The following STK32B variants were observed in gnomAD, a reference collection of about 807,000 sequenced individuals.
The protein encoded by STK32B is serine/threonine kinase 32B.
STK32B carries 43 observed loss-of-function variants against 52.6 expected under a neutral mutation model. That is an observed-to-expected ratio of 0.82 (90% CI 0.64 to 1.05). The LOEUF (loss-of-function observed/expected upper bound fraction) is 1.05, where lower values mean the gene tolerates loss of function less well. STK32B is among the 50% of genes least tolerant of loss of function. STK32B has a pLI of 0.00. For synonymous variants in STK32B, 238 were observed against 204.3 expected, an observed-to-expected ratio of 1.17 and a Z score of -1.41; for missense variants, 621 against 534.6, an observed-to-expected ratio of 1.16 and a Z score of -1.59.
At chr4:5,441,503 T>C (rs573435491) in intron 6 of STK32B, among the ~76,000 whole-genome samples, 8 of 151,322 alleles carry the variant, frequency 5.3e-5, no homozygotes, top group African/African-American at 1.4e-4. Context: ...TTTTTTTCTT[T>C]ATTAGTCTTG....
intron 11 of STK32B, among the ~76,000 whole-genome samples, chr4:5,482,714 G>A (rs939594020): frequency 6.6e-6 from 1 of 152,134 alleles, no homozygotes; most frequent in Non-Finnish European, 1.5e-5. Flanking sequence ...TATGATATTG[G>A]CTGTGGGTTT....
chr4:5,115,743 G>C (rs1243504229), intron 1 of STK32B, among the ~76,000 whole-genome samples: 2 of 152,190 alleles, frequency 1.3e-5, no homozygotes, highest in Non-Finnish European at 2.9e-5. Context: ...CAATTCATTT[G>C]ACTTCTCATT....
chr4:5,020,988 C>G, the STK32B span, among the ~76,000 whole-genome samples: 1 of 152,154 alleles, frequency 6.6e-6, no homozygotes, highest in Non-Finnish European at 1.5e-5. Context: ...GGGGAGCATC[C>G]TGGGCAAGCT....
chr4:5,032,265 G>C, the STK32B span, among the ~76,000 whole-genome samples: 2 of 151,600 alleles, frequency 1.3e-5, no homozygotes, highest in Admixed American at 1.3e-4. Flanking sequence ...CTTGAGGTCA[G>C]GAGTTCGAGA....
At chr4:5,278,729 A>C (rs1240404841) in intron 3 of STK32B, among the ~76,000 whole-genome samples, 1 of 152,160 alleles carries the variant, frequency 6.6e-6, no homozygotes, top group Non-Finnish European at 1.5e-5. Context: ...ATTTATGGAT[A>C]AAAGAGATTT....
intron 11 of STK32B, 116 bp from the exon 12 acceptor site, chr4:5,498,829 T>G (rs1720495501): frequency 7.3e-7 from 1 of 1,364,954 alleles, no homozygotes; most frequent in Non-Finnish European, 9.7e-7. Context: ...TCTTCCCAGG[T>G]AGGGGAAGGT....
At chr4:5,442,059 GCT>G (rs1714832738) in intron 6 of STK32B, among the ~76,000 whole-genome samples, 1 of 110,006 alleles carries the variant, frequency 9.1e-6, no homozygotes. Flanking sequence ...GTGGTGTGGT[GCT>G]GAAAAAAATG....
chr4:5,149,567 G>A (rs1346441490), intron 2 of STK32B, among the ~76,000 whole-genome samples: 1 of 151,804 alleles, frequency 6.6e-6, no homozygotes, highest in South Asian at 2.1e-4. Context: ...TCTGCTGAGG[G>A]TTGATATTTT....
At chr4:5,224,324 T>C (rs780402996) in intron 3 of STK32B, among the ~76,000 whole-genome samples, 1 of 152,248 alleles carries the variant, frequency 6.6e-6, no homozygotes, top group Non-Finnish European at 1.5e-5. Context: ...GACCTCCCAA[T>C]GCACTTAGCT....
At chr4:5,482,687 A>T (rs1368837493) in intron 11 of STK32B, among the ~76,000 whole-genome samples, 1 of 152,164 alleles carries the variant, frequency 6.6e-6, no homozygotes, top group African/African-American at 2.4e-5. Flanking sequence ...GAATGCTTCC[A>T]GTTTTTCCCT....
intron 2 of STK32B, among the ~76,000 whole-genome samples, chr4:5,156,629 G>A (rs529303323): frequency 4.6e-5 from 7 of 152,334 alleles, no homozygotes; most frequent in African/African-American, 1.7e-4. Context: ...GGACTCTGAG[G>A]AGTGAGCTTC....
chr4:5,378,326 A>G lies in STK32B; in HGVS notation c.435-19881A>G, dbSNP rs1366927585. ...TTTTCACACTTGAGGCTGCAGATCCATCACTTGGATCTGCAAAAGGCAGAC... is the reference window on the plus strand; with the variant it reads ...TTTTCACACTTGAGGCTGCAGATCCGTCACTTGGATCTGCAAAAGGCAGAC... On this transcript the variant is annotated intron_variant, in intron 4 of 11. Coordinates refer to ENST00000282908, the MANE Select transcript of STK32B (RefSeq NM_018401.3). The surrounding 1 kb of genome is among the most constrained non-coding windows in gnomAD (Gnocchi z 4.4). Among the ~76,000 whole-genome samples, 1 of 152,230 alleles carries G rather than the reference A, an allele frequency of 6.6e-6. No individual in the cohort carries two copies. Among genetic ancestry groups the G allele is most frequent in the African/African-American group, 2.4e-5 (1 of 41,462 alleles).
chr4:5,135,668 T>C (rs1182089387), intron 1 of STK32B, among the ~76,000 whole-genome samples: 1 of 152,194 alleles, frequency 6.6e-6, no homozygotes, highest in Non-Finnish European at 1.5e-5. Context: ...TCTGTCTTGA[T>C]CCTTTGCTCA....
chr4:5,286,246 C>T (rs1728532421), intron 3 of STK32B, among the ~76,000 whole-genome samples: 1 of 152,118 alleles, frequency 6.6e-6, no homozygotes, highest in South Asian at 2.1e-4. Flanking sequence ...CATTTTACAC[C>T]CAACAGATGA....
chr4:5,384,355 T>C (rs2109027057), intron 4 of STK32B, among the ~76,000 whole-genome samples: 1 of 151,840 alleles, frequency 6.6e-6, no homozygotes. Context: ...TTCAGGCAGA[T>C]GTGGGGTGTG....
intron 6 of STK32B, among the ~76,000 whole-genome samples, chr4:5,435,295 C>G (rs1321958454): frequency 6.6e-6 from 1 of 152,172 alleles, no homozygotes; most frequent in African/African-American, 2.4e-5. Context: ...CCTGGACTAC[C>G]TTTCTGGGCA....
At chr4:5,188,245 G>A (rs893454549) in intron 3 of STK32B, among the ~76,000 whole-genome samples, 7 of 152,148 alleles carry the variant, frequency 4.6e-5, no homozygotes, top group East Asian at 1.9e-4. Flanking sequence ...CACGATGCTC[G>A]ATGACCGAGC....
intron 1 of STK32B, among the ~76,000 whole-genome samples, chr4:5,135,231 C>G (rs370528265): frequency 2.8e-4 from 43 of 152,080 alleles, no homozygotes; most frequent in Non-Finnish European, 5.4e-4. Flanking sequence ...ATTAAGATAC[C>G]ATGTACAACA....
chr4:5,167,706 G>T (rs1718985914), intron 2 of STK32B, among the ~76,000 whole-genome samples: 1 of 152,248 alleles, frequency 6.6e-6, no homozygotes. Flanking sequence ...GGGAGTGGGG[G>T]TACTGATACT....
Sources: allele counts gnomAD v4.1 joint callset (sites outside exome capture counted in the v4.1 genomes callset), GRCh38; gene constraint gnomAD v4.1.1; non-coding constraint Gnocchi (gnomAD v3.1); transcripts MANE v1.5; gene names NCBI Gene and HGNC (gene_info 2026-07-23, HGNC 2026-07-21).